Variants in CHRM5 observed in about 807,000 individuals in gnomAD.
The protein encoded by CHRM5 is muscarinic acetylcholine receptor M5.
In CHRM5, 18 loss-of-function variants were observed where a neutral mutation model predicts 39.0. That is an observed-to-expected ratio of 0.46 (90% CI 0.32 to 0.68). The LOEUF (loss-of-function observed/expected upper bound fraction) is 0.68, where lower values mean the gene tolerates loss of function less well. Ranked by LOEUF, CHRM5 falls within the 30% of genes least tolerant of loss-of-function variation. CHRM5 has a pLI of 0.04. For synonymous variants in CHRM5, 241 were observed against 246.3 expected (o/e 0.98, Z 0.20); for missense variants, 515 against 651.1 (o/e 0.79, Z 2.28).
At position 34,063,894 on chromosome 15, in the gene CHRM5, A is replaced by T. The variant is rs754976901; in HGVS notation, c.1177A>T (p.Thr393Ser). 1 of 1,614,160 alleles carries T rather than the reference A, an allele frequency of 6.2e-7. No homozygotes were observed. The highest frequency in any genetic ancestry group is 8.5e-7 in the Non-Finnish European group (1 of 1,180,018). The change falls in exon 3 of 3, where the codon ACC (threonine) becomes TCC (serine). Residue 393 changes from threonine to serine, a missense_variant. Coordinates refer to ENST00000383263, the MANE Select transcript of CHRM5 (RefSeq NM_012125.4). This position sits in a 1 kb window ranked among gnomAD's most constrained non-coding sequence, Gnocchi z 4.1. Reference protein sequence around the residue: ...LVVKADGNQETNNGCHKVKIM... With the variant: ...LVVKADGNQESNNGCHKVKIM... ...GGTAAAAGCTGACGGGAACCAGGAG[A>T]CCAACAATGGCTGTCACAAGGTGAA...
In CHRM5 at chr15:34,037,901, T is replaced by C. The variant is rs561746385; in HGVS notation, c.-407-8639T>C. ...CAAAAAAGAATTTTTTAAATCAGTGTGCATAAGAATGCAGAATATAAAGAT... is the reference window on the plus strand; with the variant it reads ...CAAAAAAGAATTTTTTAAATCAGTGCGCATAAGAATGCAGAATATAAAGAT... On this transcript the variant is annotated intron_variant, in intron 1 of 2. Coordinates refer to ENST00000383263, the MANE Select transcript of CHRM5 (RefSeq NM_012125.4). Among the ~76,000 whole-genome samples the C allele has an allele frequency of 5.3e-5, 8 of 152,324 alleles. No individual in the cohort carries two copies. The South Asian group carries it at 1.7e-3, about 32-fold the overall frequency.
intron 1 of CHRM5, among the ~76,000 whole-genome samples, chr15:34,029,840 A>C (rs772741732): frequency 1.1e-3 from 167 of 152,344 alleles, no homozygotes; most frequent in Non-Finnish European, 1.5e-3. Context: ...AATATTGAAC[A>C]GAGACACTCT....
intron 1 of CHRM5, among the ~76,000 whole-genome samples, chr15:33,976,660 T>C (rs951442846): frequency 2.0e-5 from 3 of 151,992 alleles, no homozygotes; most frequent in African/African-American, 4.8e-5. Context: ...TAATGGTATA[T>C]CTCCATTTAA....
intron 1 of CHRM5, among the ~76,000 whole-genome samples, chr15:33,983,573 T>C (rs1896286471): frequency 6.6e-6 from 1 of 152,076 alleles, no homozygotes; most frequent in South Asian, 2.1e-4. Context: ...CCCTGAACTT[T>C]TAAGGAAAAA....
chr15:33,993,243 G>A (rs752852763), intron 1 of CHRM5, among the ~76,000 whole-genome samples: 78 of 152,166 alleles, frequency 5.1e-4, no homozygotes, highest in Admixed American at 1.2e-3. Context: ...CAAAGCTCTT[G>A]AAACGTAACT....
rs763833610 is a variant in CHRM5 at position 34,063,758 on chromosome 15, G to C, written c.1041G>C (p.Val347=). The C allele has an allele frequency of 6.2e-7, 1 of 1,614,196 alleles. No homozygotes were observed. The highest frequency in any genetic ancestry group is 8.5e-7 in the Non-Finnish European group (1 of 1,180,026). Residue 347 remains valine, a synonymous_variant, in exon 3 of 3, where the codon GTG becomes GTC. Coordinates refer to ENST00000383263, the MANE Select transcript of CHRM5 (RefSeq NM_012125.4). The surrounding 1 kb of genome is among the most constrained non-coding windows in gnomAD (Gnocchi z 4.1). The stretch of plus-strand genomic sequence containing the variant: ...CTGAAGAGACTGAGGAAACTTTTGT[G>C]AAAGCTGAAACTGAAAAAAGTGACT... The part of the protein sequence containing the change: ...FSAEETEETF[V]KAETEKSDYD...
intron 1 of CHRM5, among the ~76,000 whole-genome samples, chr15:34,014,042 G>A (rs1897756401): frequency 6.6e-6 from 1 of 151,958 alleles, no homozygotes; most frequent in Non-Finnish European, 1.5e-5. Context: ...AACCCGGGGA[G>A]ATCAACAATG....
intron 1 of CHRM5, among the ~76,000 whole-genome samples, chr15:34,014,507 A>C (rs1283605999): frequency 6.6e-6 from 1 of 152,092 alleles, no homozygotes; most frequent in African/African-American, 2.4e-5. Flanking sequence ...AATCCATGGG[A>C]AACAGCCACA....
In CHRM5 at chr15:33,982,103, A is replaced by G. The variant is rs192177687; in HGVS notation, c.-408+12953A>G. ...GCTGGTCTTGAACTCCTGACCTCAG[A>G]TGATCCACCCGCCTCAGCCTCCCAA... is the stretch of plus-strand genomic sequence containing the variant. On this transcript the variant is annotated intron_variant, in intron 1 of 2. Transcript: ENST00000383263. 4.0e-3 allele frequency among the ~76,000 whole-genome samples: 600 copies of G among 151,734 alleles called. 3 individuals are homozygous for G. The highest frequency in any genetic ancestry group is 0.013 in the African/African-American group (547 of 41,342).
intron 1 of CHRM5, among the ~76,000 whole-genome samples, chr15:34,017,185 C>T (rs1156737975): frequency 6.6e-6 from 1 of 151,946 alleles, no homozygotes; most frequent in Non-Finnish European, 1.5e-5. Context: ...TGAATCCAAC[C>T]ACCCGTCTCA....
At chr15:34,042,396 G>GTT (rs35456951) in intron 1 of CHRM5, among the ~76,000 whole-genome samples, 100 of 130,356 alleles carry the variant, frequency 7.7e-4, no homozygotes, top group East Asian at 8.9e-4. Flanking sequence ...CATGACCTAA[G>GTT]TTTTTTTTTT....
In CHRM5 at chr15:34,039,295, T is replaced by C. The variant is rs1393658628; in HGVS notation, c.-407-7245T>C. 8 of 142,610 alleles carry C rather than the reference T, an allele frequency of 5.6e-5. No homozygotes were observed. In the East Asian group the frequency reaches 6.2e-4, roughly 11 times the overall value. 8.8% of individuals were successfully genotyped at this position (142,610 alleles called of 1,614,324 possible). On this transcript the variant is annotated intron_variant, in intron 1 of 2. Transcript: ENST00000383263. ...CCGGACCGCTGGGAGCTGGAAGTGG[T>C]GGGGGTCTGCAGCGGGGCGGGGGGA...
intron 1 of CHRM5, among the ~76,000 whole-genome samples, chr15:33,998,476 A>G (rs1260625723): frequency 6.6e-6 from 1 of 152,166 alleles, no homozygotes; most frequent in African/African-American, 2.4e-5. Context: ...AATGCCAAAA[A>G]AAGAAAAAAT....
chr15:34,014,217 A>C (rs1379130229), intron 1 of CHRM5, among the ~76,000 whole-genome samples: 1 of 152,012 alleles, frequency 6.6e-6, no homozygotes, highest in East Asian at 1.9e-4. Flanking sequence ...ATGAAAAATT[A>C]GCCAGGCGTG....
intron 1 of CHRM5, among the ~76,000 whole-genome samples, chr15:34,038,204 TAC>T (rs1197840074): frequency 6.6e-6 from 1 of 152,198 alleles, no homozygotes; most frequent in African/African-American, 2.4e-5. Context: ...ACTACGCTAT[TAC>T]AAAGAACTAT....
chr15:34,017,479 TTTTTG>T (rs1342115149), intron 1 of CHRM5, among the ~76,000 whole-genome samples: 32 of 48,796 alleles, frequency 6.6e-4, no homozygotes, highest in South Asian at 3.6e-3. Context: ...TATGATTTTT[TTTTTG>T]TTTTTTTTTT....
At chr15:34,006,798 A>G (rs963717004) in intron 1 of CHRM5, among the ~76,000 whole-genome samples, 2 of 152,214 alleles carry the variant, frequency 1.3e-5, no homozygotes, top group Non-Finnish European at 2.9e-5. Context: ...GTAATATAAT[A>G]ATAAAAAAGT....
chr15:33,985,004 C>T (rs1397077354), intron 1 of CHRM5, among the ~76,000 whole-genome samples: 1 of 152,092 alleles, frequency 6.6e-6, no homozygotes, highest in Non-Finnish European at 1.5e-5. Flanking sequence ...TGACCTTGAC[C>T]AGCTGAACCT....
At position 34,063,205 on chromosome 15, in the gene CHRM5, C is replaced by T. The variant is rs1900408097; in HGVS notation, c.488C>T (p.Ala163Val). The change falls in exon 3 of 3, where the codon GCC becomes GTC. Residue 163 changes from alanine (A) to valine (V), a missense_variant. Coordinates refer to ENST00000383263, the MANE Select transcript of CHRM5 (RefSeq NM_012125.4). This position sits in a 1 kb window ranked among gnomAD's most constrained non-coding sequence, Gnocchi z 4.1. Reference sequence around the variant, plus strand: ...TGGCTGATCTCCTTCATCCTCTGGGCCCCAGCAATCCTCTGCTGGCAGTAC... The same window carrying T: ...TGGCTGATCTCCTTCATCCTCTGGGTCCCAGCAATCCTCTGCTGGCAGTAC... The part of the protein sequence containing the change: ...LAWLISFILW[A>V]PAILCWQYLV... 2 of 1,614,056 alleles carry T rather than the reference C, an allele frequency of 1.2e-6. No individual in the cohort carries two copies. The highest frequency in any genetic ancestry group is 1.3e-5 in the African/African-American group (1 of 74,926).
Sources: gnomAD v4.1 joint callset for allele counts (sites outside exome capture counted in the v4.1 genomes callset) on GRCh38, gnomAD v4.1.1 for gene constraint, Gnocchi (gnomAD v3.1) non-coding constraint, MANE v1.5 for transcripts, NCBI Gene and HGNC (gene_info 2026-07-23, HGNC 2026-07-21) for gene names.